CTNNA3: variants seen among roughly 807,000 people sequenced by gnomAD.
CTNNA3 encodes catenin alpha-3.
Under a neutral mutation model 95.7 loss-of-function variants are expected in CTNNA3, and 76 were observed. That is an observed-to-expected ratio of 0.79 (90% CI 0.66 to 0.96). The LOEUF is 0.96. Among genes scored for constraint, CTNNA3 ranks in the 40% least tolerant of loss-of-function variants. CTNNA3 has a pLI of 0.00. For missense variants in CTNNA3, 1,191 were observed against 1,089.8 expected, an observed-to-expected ratio of 1.09 and a Z score of -1.31; for synonymous variants, 431 against 374.4, an observed-to-expected ratio of 1.15 and a Z score of -1.74.
chr10:66,159,536 TATG>T (rs1158874275), intron 13 of CTNNA3, among the ~76,000 whole-genome samples: 2 of 152,044 alleles, frequency 1.3e-5, no homozygotes, highest in African/African-American at 4.8e-5. Context: ...ATCTTTTTGA[TATG>T]TTGTTGGGTT....
chr10:66,044,237 C>T (rs186120839), intron 15 of CTNNA3, among the ~76,000 whole-genome samples: 23 of 152,238 alleles, frequency 1.5e-4, no homozygotes, highest in African/African-American at 4.3e-4. Flanking sequence ...GGTGATCTAC[C>T]GCCTTGGCCT....
intron 13 of CTNNA3, among the ~76,000 whole-genome samples, chr10:66,255,552 C>T (rs1001924009): frequency 6.6e-6 from 1 of 152,024 alleles, no homozygotes; most frequent in African/African-American, 2.4e-5. Flanking sequence ...TTAGATGATC[C>T]TTCCATTTGC....
At chr10:67,573,520 A>T (rs1842042722) in intron 3 of CTNNA3, among the ~76,000 whole-genome samples, 1 of 152,144 alleles carries the variant, frequency 6.6e-6, no homozygotes, top group Non-Finnish European at 1.5e-5. Flanking sequence ...GATTGAACAC[A>T]TATTCCCGGG....
At chr10:67,554,308 G>C (rs1218945644) in intron 3 of CTNNA3, among the ~76,000 whole-genome samples, 1 of 152,158 alleles carries the variant, frequency 6.6e-6, no homozygotes, top group Non-Finnish European at 1.5e-5. Flanking sequence ...CAGTGTTTCT[G>C]GTTCTACATC....
At chr10:66,306,391 T>G (rs920753087) in intron 12 of CTNNA3, among the ~76,000 whole-genome samples, 1 of 152,224 alleles carries the variant, frequency 6.6e-6, no homozygotes, top group Admixed American at 6.5e-5. Flanking sequence ...AGTATCTTAG[T>G]GTTACTGCCA....
At chr10:66,216,453 C>T (rs538333995) in intron 13 of CTNNA3, among the ~76,000 whole-genome samples, 71 of 152,316 alleles carry the variant, frequency 4.7e-4, no homozygotes, top group African/African-American at 1.7e-3. Flanking sequence ...TCAGCCTCTT[C>T]CTTTGGCCTC....
chr10:66,725,646 C>T (rs1012353265), intron 9 of CTNNA3, among the ~76,000 whole-genome samples: 4 of 152,028 alleles, frequency 2.6e-5, no homozygotes, highest in Non-Finnish European at 4.4e-5. Context: ...TCTTCCCAGA[C>T]GGACAGTTGT....
At chr10:67,085,681 T>C (rs2131892216) in intron 7 of CTNNA3, among the ~76,000 whole-genome samples, 1 of 152,164 alleles carries the variant, frequency 6.6e-6, no homozygotes, top group Middle Eastern at 3.4e-3. Context: ...TCATCCCTTA[T>C]TATGATATTT....
chr10:66,490,947 C>T (rs1839902343), intron 11 of CTNNA3, among the ~76,000 whole-genome samples: 1 of 152,138 alleles, frequency 6.6e-6, no homozygotes, highest in Admixed American at 6.5e-5. Flanking sequence ...TGACATGTTT[C>T]ATTATTTGCT....
intron 15 of CTNNA3, among the ~76,000 whole-genome samples, chr10:66,004,391 C>CT (rs1377485719): frequency 6.6e-6 from 1 of 151,888 alleles, no homozygotes; most frequent in African/African-American, 2.4e-5. Flanking sequence ...TTTTCTTTTC[C>CT]TTTTTTTCCC....
At chr10:66,171,527 T>G (rs1249277436) in intron 13 of CTNNA3, among the ~76,000 whole-genome samples, 2 of 148,030 alleles carry the variant, frequency 1.4e-5, no homozygotes, top group African/African-American at 5.0e-5. Context: ...GCCTGGGTGA[T>G]AGAGCAAGAC....
At chr10:66,648,732 G>A (rs1037484960) in intron 9 of CTNNA3, among the ~76,000 whole-genome samples, 8 of 152,096 alleles carry the variant, frequency 5.3e-5, no homozygotes, top group African/African-American at 1.7e-4. Context: ...TTCATCGAGA[G>A]GTAATGGAGA....
intron 9 of CTNNA3, among the ~76,000 whole-genome samples, chr10:66,728,378 G>T (rs1249404607): frequency 6.6e-6 from 1 of 152,068 alleles, no homozygotes; most frequent in Non-Finnish European, 1.5e-5. Context: ...CATTCTATAG[G>T]TTATCTGTTT....
chr10:67,419,933 C>A (rs960055081), intron 5 of CTNNA3, among the ~76,000 whole-genome samples: 6 of 152,072 alleles, frequency 3.9e-5, no homozygotes, highest in African/African-American at 1.2e-4. Context: ...CTCACTGCAA[C>A]CTCCACCTCC....
chr10:66,992,681 A>T (rs557111007), intron 7 of CTNNA3, among the ~76,000 whole-genome samples: 3 of 152,186 alleles, frequency 2.0e-5, no homozygotes, highest in Non-Finnish European at 4.4e-5. Context: ...CAGTTTTAAC[A>T]TTTTGTTGAT....
intron 7 of CTNNA3, among the ~76,000 whole-genome samples, chr10:67,131,602 T>C (rs1305763324): frequency 6.6e-6 from 1 of 152,094 alleles, no homozygotes; most frequent in East Asian, 1.9e-4. Context: ...TGTGTCTCCA[T>C]GCCTCCCAGT....
chr10:66,349,276 G>T (rs556351496), intron 12 of CTNNA3, among the ~76,000 whole-genome samples: 225 of 152,010 alleles, frequency 1.5e-3, no homozygotes, highest in Non-Finnish European at 2.9e-3. Flanking sequence ...ACTGAATTCC[G>T]CCAACAACCT....
At chr10:66,760,800 C>T (rs1255628433) in intron 9 of CTNNA3, among the ~76,000 whole-genome samples, 2 of 152,078 alleles carry the variant, frequency 1.3e-5, no homozygotes, top group Non-Finnish European at 2.9e-5. Flanking sequence ...GACTAAGATG[C>T]TGAGCAGTTT....
chr10:67,455,634 T>TTTGTGG (rs1321077415), intron 5 of CTNNA3, among the ~76,000 whole-genome samples: 5 of 152,154 alleles, frequency 3.3e-5, no homozygotes, highest in African/African-American at 1.2e-4. Context: ...TCACTTTACC[T>TTTGTGG]TTGTGGTCAT....
Sources: gnomAD v4.1 joint callset for allele counts (sites outside exome capture counted in the v4.1 genomes callset) on GRCh38, gnomAD v4.1.1 for gene constraint, MANE v1.5 for transcripts, NCBI Gene and HGNC (gene_info 2026-07-23, HGNC 2026-07-21) for gene names.